Variants in CTTNBP2 observed in about 807,000 individuals in gnomAD.
CTTNBP2 encodes cortactin binding protein 2.
Under a neutral mutation model 156.9 loss-of-function variants are expected in CTTNBP2, and 108 were observed. That is an observed-to-expected ratio of 0.69 (90% CI 0.59 to 0.81). The LOEUF is 0.81. CTTNBP2 is among the 30% of genes least tolerant of loss of function. CTTNBP2 has a pLI of 0.00. For synonymous variants in CTTNBP2, 767 were observed against 751.8 expected, an observed-to-expected ratio of 1.02 and a Z score of -0.33; for missense variants, 1,924 against 2,035.4, an observed-to-expected ratio of 0.95 and a Z score of 1.05.
At chr7:117,861,441 C>G in intron 1 of CTTNBP2, 125 bp from the exon 2 acceptor site, 1 of 648,082 alleles carries the variant, frequency 1.5e-6, no homozygotes, top group South Asian at 1.9e-5. Context: ...CACCGGGGTA[C>G]TATTTGCAGC....
chr7:117,784,117 A>T (rs1798571309), intron 5 of CTTNBP2, 134 bp downstream of exon 5: 1 of 601,158 alleles, frequency 1.7e-6, no homozygotes, highest in Non-Finnish European at 2.8e-6. Context: ...TCTCATGTTT[A>T]AAAAAACTAT....
chr7:117,840,937 A>T (rs2117131051), intron 2 of CTTNBP2, among the ~76,000 whole-genome samples: 1 of 152,318 alleles, frequency 6.6e-6, no homozygotes, highest in South Asian at 2.1e-4. Context: ...TAATGCTATT[A>T]AAAATTATTA....
chr7:117,829,912 G>T (rs1361780189), intron 2 of CTTNBP2, among the ~76,000 whole-genome samples: 1 of 152,146 alleles, frequency 6.6e-6, no homozygotes, highest in African/African-American at 2.4e-5. Context: ...TGTTTTGCCT[G>T]TGTAGTCTAT....
chr7:117,856,590 C>T (rs762953054), intron 2 of CTTNBP2, among the ~76,000 whole-genome samples: 2 of 152,012 alleles, frequency 1.3e-5, no homozygotes, highest in Non-Finnish European at 2.9e-5. Context: ...TTAAAAGTTT[C>T]AATGCAAATA....
At chr7:117,835,048 G>A (rs1374970662) in intron 2 of CTTNBP2, among the ~76,000 whole-genome samples, 7 of 152,192 alleles carry the variant, frequency 4.6e-5, no homozygotes, top group Non-Finnish European at 1.0e-4. Flanking sequence ...GTCAATAAAA[G>A]CAAAAACAGC....
chr7:117,757,921 G>A lies in CTTNBP2; in HGVS notation c.3222C>T (p.Asp1074=). The A allele has an allele frequency of 6.2e-7, 1 of 1,613,504 alleles. No homozygotes were observed. Among genetic ancestry groups the A allele is most frequent in the Non-Finnish European group, 8.5e-7 (1 of 1,179,820 alleles). ...VGQSFAQSPW[D]FMRKNKAEHI... is the part of the protein sequence containing the mutation. ...GCTCTGCCTTATTCTTCCTCATAAA[G>A]TCCCACGGGGACTGCGCGAAGCTCT... is the stretch of plus-strand genomic sequence containing the variant. The change falls in exon 11 of 23, where the codon GAC becomes GAT. Residue 1074 remains aspartate (D), a synonymous_variant. Transcript: ENST00000160373.
chr7:117,811,724 C>G (rs1197537463), intron 2 of CTTNBP2, among the ~76,000 whole-genome samples: 4 of 151,720 alleles, frequency 2.6e-5, no homozygotes, highest in African/African-American at 9.7e-5. Flanking sequence ...ATCACGCATA[C>G]AAAAAATCCC....
At chr7:117,850,772 A>C (rs1002739781) in intron 2 of CTTNBP2, among the ~76,000 whole-genome samples, 5 of 152,242 alleles carry the variant, frequency 3.3e-5, no homozygotes, top group African/African-American at 1.2e-4. Context: ...TTAACAGCCC[A>C]GTACTTTTCC....
At chr7:117,849,447 A>AAT (rs1338497777) in intron 2 of CTTNBP2, among the ~76,000 whole-genome samples, 14 of 152,284 alleles carry the variant, frequency 9.2e-5, no homozygotes, top group Middle Eastern at 3.4e-3. Flanking sequence ...CCACACTTGG[A>AAT]GAACAAAAGC....
chr7:117,781,716 G>A (rs939711762), intron 6 of CTTNBP2, among the ~76,000 whole-genome samples: 1 of 152,166 alleles, frequency 6.6e-6, no homozygotes, highest in African/African-American at 2.4e-5. Flanking sequence ...CCAGCCTGGC[G>A]ACAGAGCAAG....
rs1355532785 is a variant in CTTNBP2, at chr7:117,710,819, T to C, written c.*718A>G. ...CTGAATTTATTCATTTATGCAGTTA[T>C]CTATATCCACTTAGGTACAAAACTT... is the stretch of plus-strand genomic sequence containing the variant. On this transcript the variant is annotated 3_prime_UTR_variant, in exon 23 of 23. Transcript: ENST00000160373. The C allele has an allele frequency of 6.6e-6, 1 of 152,626 alleles. No homozygotes were observed. The highest frequency in any genetic ancestry group is 1.9e-4 in the East Asian group (1 of 5,202). The allele number at this position is 152,626 out of a possible 1,614,324, so 9.5% of individuals were successfully genotyped here. A position where few individuals can be genotyped will look rare whatever the true frequency, so the allele number is the denominator to read the frequency against.
At chr7:117,743,088 G>A (rs1796104988) in intron 14 of CTTNBP2, among the ~76,000 whole-genome samples, 1 of 152,174 alleles carries the variant, frequency 6.6e-6, no homozygotes, top group South Asian at 2.1e-4. Flanking sequence ...CTCCAAACTG[G>A]GAAATTAGGA....
intron 1 of CTTNBP2, among the ~76,000 whole-genome samples, chr7:117,862,661 G>A (rs1040307758): frequency 1.2e-4 from 18 of 152,182 alleles, no homozygotes. Flanking sequence ...ACAGGGAAGA[G>A]TAACACAACA....
At chr7:117,868,608 T>G (rs1446526097) in intron 1 of CTTNBP2, among the ~76,000 whole-genome samples, 2 of 152,202 alleles carry the variant, frequency 1.3e-5, no homozygotes, top group Non-Finnish European at 2.9e-5. Flanking sequence ...TTTAAAAATC[T>G]TTCAATATCG....
In CTTNBP2 at chr7:117,794,871, G is replaced by C. The variant is rs1479674581; in HGVS notation, c.415-2090C>G. On this transcript the variant is annotated intron_variant, in intron 3 of 22. Coordinates refer to ENST00000160373, the MANE Select transcript of CTTNBP2 (RefSeq NM_033427.3). ...GTGTTGTCATATACTGTTTTTATAT[G>C]TATATCTTTTTTTTTTTTTTTTTTT... Among the ~76,000 whole-genome samples the C allele has an allele frequency of 2.1e-3, 259 of 124,246 alleles. 7 individuals are homozygous for C. Among genetic ancestry groups the C allele is most frequent in the South Asian group, 5.0e-3 (17 of 3,410 alleles). 81.5% of individuals were successfully genotyped at this position (124,246 alleles called of 152,430 possible).
chr7:117,737,513 G>A (rs1795770879), intron 14 of CTTNBP2, among the ~76,000 whole-genome samples: 1 of 152,160 alleles, frequency 6.6e-6, no homozygotes, highest in African/African-American at 2.4e-5. Flanking sequence ...TTTGCTACAG[G>A]TACTGGATGC....
intron 3 of CTTNBP2, among the ~76,000 whole-genome samples, chr7:117,795,680 G>A (rs1480436633): frequency 6.6e-6 from 1 of 152,204 alleles, no homozygotes; most frequent in Non-Finnish European, 1.5e-5. Flanking sequence ...GGAGTTCCAA[G>A]TGGAGAGCAA....
At chr7:117,754,684 A>C (rs1796794627) in intron 12 of CTTNBP2, among the ~76,000 whole-genome samples, 1 of 152,232 alleles carries the variant, frequency 6.6e-6, no homozygotes. Flanking sequence ...ATACATTTTT[A>C]TTATATTCAT....
intron 4 of CTTNBP2, among the ~76,000 whole-genome samples, chr7:117,788,468 C>T (rs1563006996): frequency 6.6e-6 from 1 of 152,138 alleles, no homozygotes; most frequent in East Asian, 1.9e-4. Context: ...TTGCTTTGGG[C>T]AATCACAATG....
Sources: allele counts gnomAD v4.1 joint callset (sites outside exome capture counted in the v4.1 genomes callset), GRCh38; gene constraint gnomAD v4.1.1; transcripts MANE v1.5; gene names NCBI Gene and HGNC (gene_info 2026-07-23, HGNC 2026-07-21).